The following POTED variants were observed in gnomAD, a reference collection of about 807,000 sequenced individuals.
POTED encodes POTE ankyrin domain family member D, also known as ANKRD26-like family B member 3.
A neutral mutation model predicts 19.0 loss-of-function variants in POTED; 7 were observed. The ratio of observed to expected loss-of-function variants is 0.37; its 90% CI spans 0.21 to 0.69. The LOEUF (loss-of-function observed/expected upper bound fraction) is 0.69. POTED is among the 30% of genes least tolerant of loss of function. The pLI is 0.56. For missense variants in POTED, 54 were observed against 278.5 expected, an observed-to-expected ratio of 0.19 and a Z score of 5.74; for synonymous variants, 16 against 92.0, an observed-to-expected ratio of 0.17 and a Z score of 4.73.
rs2011132347 is a variant in POTED at position 13,609,812 on chromosome 21, TTTGCGTTCCTCGCTTGGCC to T, written c.-406_-388del. ...CTTACCTGTAATGGGTGCGCTTCGC[TTTGCGTTCCTCGCTTGGCC>T]TTGCGTTCCTAGCTTGGCTTGGCGT... On this transcript the variant is annotated 5_prime_UTR_variant, in exon 1 of 11. An upstream open reading frame in the 5' UTR loses its in-frame stop. Transcript: ENST00000299443. 7.0e-6 allele frequency: 1 copy of T among 141,884 alleles called. No individual in the cohort carries two copies. The highest frequency in any genetic ancestry group is 8.1e-5 in the South Asian group (1 of 12,298). The allele number at this position is 141,884 out of a possible 1,614,324, so 8.8% of individuals were successfully genotyped here.
chr21:13,612,567 T>C (rs1174446634), intron 1 of POTED, among the ~76,000 whole-genome samples: 2 of 84,528 alleles, frequency 2.4e-5, no homozygotes, highest in African/African-American at 8.7e-5. Flanking sequence ...GTGGTACTTA[T>C]ATACTTGCTG....
rs1451657111 is a variant in POTED at position 13,610,597 on chromosome 21, C to A, written c.369C>A (p.Tyr123Ter). 10 of 1,076,538 alleles carry A rather than the reference C, an allele frequency of 9.3e-6. 3 individuals carry two copies. Among genetic ancestry groups the A allele is most frequent in the Non-Finnish European group, 1.2e-5 (10 of 832,128 alleles). The allele number at this position is 1,076,538 out of a possible 1,614,324, so 66.7% of individuals were successfully genotyped here. Residue 123 changes from tyrosine (Y) to a stop codon, truncating the protein, a stop_gained, in exon 1 of 11, where the codon TAC becomes TAA. Transcript: ENST00000299443. LOFTEE classifies it high-confidence loss of function. ...GCAACGTGGGCGCTTGGGGAGACTA[C>A]GACCACAGCGCCTTCATGGAGCCGA... ...GKSNVGAWGDYDHSAFMEPRY... is the reference protein window; with the variant it reads ...GKSNVGAWGD
At position 13,620,303 on chromosome 21, in the gene POTED, TTTACA is replaced by T; in HGVS notation, c.1055+10_1055+14del. The T allele has an allele frequency of 1.0e-5, 1 of 98,708 alleles. No homozygotes were observed. The highest frequency in any genetic ancestry group is 1.7e-5 in the Non-Finnish European group (1 of 59,698). The allele number at this position is 98,708 out of a possible 1,614,324, so 6.1% of individuals were successfully genotyped here. Reference sequence around the variant, plus strand: ...TTCTAGTCATCATCATGTGTAAGTGTTTACATGAAAAGGCTAGTTAATGCTAAATT... The same window carrying T: ...TTCTAGTCATCATCATGTGTAAGTGTTGAAAAGGCTAGTTAATGCTAAATT... On this transcript the variant is annotated intron_variant, in intron 5 of 10. Transcript: ENST00000299443.
At position 13,631,532 on chromosome 21, in the gene POTED, C is replaced by T. The variant is rs2011214102; in HGVS notation, c.1409+425C>T. Among the ~76,000 whole-genome samples the T allele has an allele frequency of 7.0e-5, 5 of 71,898 alleles. 2 individuals carry two copies. The highest frequency in any genetic ancestry group is 1.2e-4 in the Non-Finnish European group (5 of 42,170). The allele number at this position is 71,898 out of a possible 152,430, so 47.2% of individuals were successfully genotyped here. A position where few individuals can be genotyped will look rare whatever the true frequency, so the allele number is the denominator to read the frequency against. On this transcript the variant is annotated intron_variant, in intron 9 of 10. Coordinates refer to ENST00000299443, the MANE Select transcript of POTED (RefSeq NM_174981.6). ...CAAGTAGACCCTGGTGTCTGTTATTCTCCTCTTTGTGTCCATGAGTTCTCA... is the reference window on the plus strand; with the variant it reads ...CAAGTAGACCCTGGTGTCTGTTATTTTCCTCTTTGTGTCCATGAGTTCTCA...
At chr21:13,623,973 G>A (rs2011177102) in intron 6 of POTED, among the ~76,000 whole-genome samples, 1 of 105,848 alleles carries the variant, frequency 9.4e-6, no homozygotes, top group Non-Finnish European at 1.9e-5. Flanking sequence ...TTTCATTTCT[G>A]TGCTTTTTCA....
Position 13,640,534 on chromosome 21 carries a change from G to GTGTGTGTGTGTGTGTGTT in POTED, c.1534-799_1534-782dup, listed in dbSNP as rs2011264341. On this transcript the variant is annotated intron_variant, in intron 10 of 10. Coordinates refer to ENST00000299443, the MANE Select transcript of POTED (RefSeq NM_174981.6). Reference sequence around the variant, plus strand: ...ACGTTGCATATATACGTGTGTGTGTGTGTGTGTGTGTGTGTGTTTGTGTGT... The same window carrying GTGTGTGTGTGTGTGTGTT: ...ACGTTGCATATATACGTGTGTGTGTGTGTGTGTGTGTGTGTGTTTGTGTGTGTGTGTGTGTTTGTGTGT... 2.4e-5 allele frequency among the ~76,000 whole-genome samples: 2 copies of GTGTGTGTGTGTGTGTGTT among 82,290 alleles called. 1 individual carries two copies. The highest frequency in any genetic ancestry group is 4.4e-5 in the Non-Finnish European group (2 of 45,792). 54.0% of individuals were successfully genotyped at this position (82,290 alleles called of 152,430 possible).
Position 13,609,796 on chromosome 21 carries a change from A to C in POTED, c.-433A>C. 8.0e-6 allele frequency: 1 copy of C among 125,414 alleles called. No individual in the cohort carries two copies. The highest frequency in any genetic ancestry group is 4.5e-3 in the Middle Eastern group (1 of 224). 7.8% of individuals were successfully genotyped at this position (125,414 alleles called of 1,614,324 possible). A position where few individuals can be genotyped will look rare whatever the true frequency, so the allele number is the denominator to read the frequency against. ...GCACATGACGGCTTGGCTTACCTGTAATGGGTGCGCTTCGCTTTGCGTTCC... is the reference window on the plus strand; with the variant it reads ...GCACATGACGGCTTGGCTTACCTGTCATGGGTGCGCTTCGCTTTGCGTTCC... On this transcript the variant is annotated 5_prime_UTR_variant, in exon 1 of 11. Coordinates refer to ENST00000299443, the MANE Select transcript of POTED (RefSeq NM_174981.6).
At position 13,635,164 on chromosome 21, in the gene POTED, G is replaced by T. The variant is rs1405928760; in HGVS notation, c.1409+4057G>T. Among the ~76,000 whole-genome samples the T allele has an allele frequency of 4.9e-5, 4 of 81,506 alleles. 2 individuals carry two copies. The highest frequency in any genetic ancestry group is 8.6e-5 in the Non-Finnish European group (4 of 46,260). The allele number at this position is 81,506 out of a possible 152,430, so 53.5% of individuals were successfully genotyped here. On this transcript the variant is annotated intron_variant, in intron 9 of 10. Coordinates refer to ENST00000299443, the MANE Select transcript of POTED (RefSeq NM_174981.6). ...GCCTAGAAAAAGGCCTAGCATATTGGATGAAGCTACCTAACAAATACTTAT... is the reference window on the plus strand; with the variant it reads ...GCCTAGAAAAAGGCCTAGCATATTGTATGAAGCTACCTAACAAATACTTAT...
At chr21:13,640,525 T>TAC (rs2011264067) in intron 10 of POTED, among the ~76,000 whole-genome samples, 1 of 74,204 alleles carries the variant, frequency 1.3e-5, no homozygotes, top group Admixed American at 1.1e-4. Flanking sequence ...CATATATACG[T>TAC]GTGTGTGTGT....
At position 13,609,788 on chromosome 21, in the gene POTED, T is replaced by C; in HGVS notation, c.-441T>C. The C allele has an allele frequency of 8.3e-6, 1 of 120,660 alleles. No homozygotes were observed. Among genetic ancestry groups the C allele is most frequent in the South Asian group, 1.2e-4 (1 of 8,452 alleles). The allele number at this position is 120,660 out of a possible 1,614,324, so 7.5% of individuals were successfully genotyped here. ...CCCCGCACGCACATGACGGCTTGGCTTACCTGTAATGGGTGCGCTTCGCTT... is the reference window on the plus strand; with the variant it reads ...CCCCGCACGCACATGACGGCTTGGCCTACCTGTAATGGGTGCGCTTCGCTT... On this transcript the variant is annotated 5_prime_UTR_variant, in exon 1 of 11. Transcript: ENST00000299443.
Position 13,618,480 on chromosome 21 carries a change from GTGT to G in POTED, c.917+30_917+32del, listed in dbSNP as rs1200818069. The G allele has an allele frequency of 4.5e-5, 2 of 44,158 alleles. 1 individual carries two copies. Among genetic ancestry groups the G allele is most frequent in the Non-Finnish European group, 7.2e-5 (2 of 27,938 alleles). The allele number at this position is 44,158 out of a possible 1,614,324, so 2.7% of individuals were successfully genotyped here. ...GGTATGGTTATTTCTTTTAATTTGT[GTGT>G]TGTTCTAGATTGATAGCAGTCACTC... On this transcript the variant is annotated intron_variant, in intron 4 of 10. Transcript: ENST00000299443.
intron 9 of POTED, among the ~76,000 whole-genome samples, chr21:13,636,351 A>T: frequency 1.8e-5 from 1 of 56,158 alleles, no homozygotes. Context: ...CTCCAGTAGG[A>T]GATTTTAGTC....
In POTED at chr21:13,641,432, G is replaced by C. The variant is rs777863458; in HGVS notation, c.1621G>C (p.Asp541His). ...AATTGCCATGCTAAGACTGGAACTA[G>C]ATGAAACAAAACATCAGAACCAGCT... ...EEIAMLRLEL[D>H]ETKHQNQLRE... Residue 541 changes from aspartate (D) to histidine (H), a missense_variant, in exon 11 of 11, where the codon GAT becomes CAT. Physicochemically the swap from Asp to His is moderately conservative, Grantham distance 81. Transcript: ENST00000299443. 17 of 1,064,892 alleles carry C rather than the reference G, an allele frequency of 1.6e-5. 6 individuals are homozygous for C. Among genetic ancestry groups the C allele is most frequent in the Non-Finnish European group, 2.1e-5 (17 of 817,448 alleles). 66.0% of individuals were successfully genotyped at this position (1,064,892 alleles called of 1,614,324 possible). A position where few individuals can be genotyped will look rare whatever the true frequency, so the allele number is the denominator to read the frequency against.
At chr21:13,611,374 T>G (rs1457976176) in intron 1 of POTED, among the ~76,000 whole-genome samples, 1 of 80,682 alleles carries the variant, frequency 1.2e-5, no homozygotes, top group Non-Finnish European at 2.2e-5. Context: ...ATAAATTGAT[T>G]TTTTTTAACA....
In POTED at chr21:13,631,731, T is replaced by G. The variant is rs866531884; in HGVS notation, c.1409+624T>G. ...AAATACATTTTGAACATTAATTTAG[T>G]AGCATATTCACACACACATATATAT... On this transcript the variant is annotated intron_variant, in intron 9 of 10. Coordinates refer to ENST00000299443, the MANE Select transcript of POTED (RefSeq NM_174981.6). 7.2e-4 allele frequency among the ~76,000 whole-genome samples: 9 copies of G among 12,576 alleles called. 2 individuals carry two copies. In the African/African-American group the frequency reaches 8.5e-3, roughly 12 times the overall value. 8.3% of individuals were successfully genotyped at this position (12,576 alleles called of 152,430 possible). A position where few individuals can be genotyped will look rare whatever the true frequency, so the allele number is the denominator to read the frequency against.
chr21:13,642,593 C>G lies in POTED; in HGVS notation c.*1027C>G, dbSNP rs1336192712. Among the ~76,000 whole-genome samples the G allele has an allele frequency of 2.8e-5, 2 of 72,146 alleles. 1 individual carries two copies. The highest frequency in any genetic ancestry group is 2.4e-4 in the Admixed American group (2 of 8,404). The allele number at this position is 72,146 out of a possible 152,430, so 47.3% of individuals were successfully genotyped here. A position where few individuals can be genotyped will look rare whatever the true frequency, so the allele number is the denominator to read the frequency against. On this transcript the variant is annotated 3_prime_UTR_variant, in exon 11 of 11. Transcript: ENST00000299443. ...GCCAGACTTCTTTTTTAAACAAGTC[C>G]CTATTCCTGTTCCTCCTTACTAGGC...
At position 13,645,667 on chromosome 21, in the gene POTED, A is replaced by G. The variant is rs923943517; in HGVS notation, c.*4101A>G. 1.1e-5 allele frequency among the ~76,000 whole-genome samples: 1 copy of G among 88,814 alleles called. No individual in the cohort carries two copies. The highest frequency in any genetic ancestry group is 2.1e-5 in the Non-Finnish European group (1 of 47,906). The allele number at this position is 88,814 out of a possible 152,430, so 58.3% of individuals were successfully genotyped here. ...ACAAGTGATGCTAAAAACCAACTAC[A>G]TAAGTCTGCAAAAAAGCCAGCTGAC... On this transcript the variant is annotated 3_prime_UTR_variant, in exon 11 of 11. Transcript: ENST00000299443.
Position 13,631,089 on chromosome 21 carries a change from AGAAT to A in POTED, c.1395_1398del (p.Asn465LysfsTer29), listed in dbSNP as rs1416061853. ...GAAAATCAGCAATTTCCTGACACTG[AGAAT>A]GAAGAGTATCACAGGTAAGCCTATG... On this transcript the variant is annotated frameshift_variant, in exon 9 of 11. Transcript: ENST00000299443. LOFTEE classifies it high-confidence loss of function. 1 of 553,004 alleles carries A rather than the reference AGAAT, an allele frequency of 1.8e-6. No individual in the cohort carries two copies. Among genetic ancestry groups the A allele is most frequent in the East Asian group, 7.0e-5 (1 of 14,380 alleles). The allele number at this position is 553,004 out of a possible 1,614,324, so 34.3% of individuals were successfully genotyped here.
rs1358833089 is a variant in POTED at position 13,635,100 on chromosome 21, A to G, written c.1409+3993A>G. Among the ~76,000 whole-genome samples, 4 of 81,080 alleles carry G rather than the reference A, an allele frequency of 4.9e-5. 2 individuals are homozygous for G. The highest frequency in any genetic ancestry group is 0.016 in the Middle Eastern group (2 of 124). The allele number at this position is 81,080 out of a possible 152,430, so 53.2% of individuals were successfully genotyped here. On this transcript the variant is annotated intron_variant, in intron 9 of 10. Transcript: ENST00000299443. ...GTTATTGTGTGTTTTTCTCACTCTC[A>G]TGAATAGGGTTTTTATTTTTCACTA... is the stretch of plus-strand genomic sequence containing the variant.
Sources: allele counts gnomAD v4.1 joint callset (sites outside exome capture counted in the v4.1 genomes callset), GRCh38; gene constraint gnomAD v4.1.1; transcripts MANE v1.5; gene names NCBI Gene and HGNC (gene_info 2026-07-23, HGNC 2026-07-21).